CTPS1: variants seen among roughly 807,000 people sequenced by gnomAD.
The protein encoded by CTPS1 is CTP synthase 1, also known as CTP synthetase 1.
In CTPS1, 25 loss-of-function variants were observed where a neutral mutation model predicts 80.5. The ratio of observed to expected loss-of-function variants is 0.31; its 90% confidence interval spans 0.23 to 0.43. The LOEUF is 0.43. Ranked by LOEUF, CTPS1 falls within the 20% of genes least tolerant of loss-of-function variation. The pLI, the probability that CTPS1 is intolerant of heterozygous loss-of-function variation, is 1.00. For missense variants in CTPS1, 442 were observed against 725.7 expected, an observed-to-expected ratio of 0.61 and a Z score of 4.49; for synonymous variants, 267 against 252.5, an observed-to-expected ratio of 1.06 and a Z score of -0.54.
intron 5 of CTPS1, 144 bp from the exon 6 acceptor site, chr1:40,991,021 T>A (rs1197341960): frequency 1.1e-5 from 7 of 653,084 alleles, no homozygotes; most frequent in African/African-American, 1.9e-5. Flanking sequence ...CATGCATGTG[T>A]AACTTTGACA....
chr1:41,002,292 G>C lies in CTPS1; in HGVS notation c.1189+38G>C, dbSNP rs1416583983. On this transcript the variant is annotated intron_variant, in intron 11 of 18. Transcript: ENST00000650070. Reference sequence around the variant, plus strand: ...GCAGTGCAGTCTTCACTTAAGAGTAGGAAAGAGTGGGGAACGGTGCCACGT... The same window carrying C: ...GCAGTGCAGTCTTCACTTAAGAGTACGAAAGAGTGGGGAACGGTGCCACGT... 1.9e-6 allele frequency: 3 copies of C among 1,550,152 alleles called. No individual in the cohort carries two copies. In the African/African-American group the frequency reaches 4.1e-5, roughly 21 times the overall value.
At chr1:41,008,609 A>G (rs755153177) in intron 14 of CTPS1, 50 bp from the exon 15 acceptor site, 2 of 1,583,386 alleles carry the variant, frequency 1.3e-6, no homozygotes, top group African/African-American at 1.3e-5. Flanking sequence ...TTGTGAACGC[A>G]TCATCCTGTG....
intron 7 of CTPS1, among the ~76,000 whole-genome samples, chr1:40,995,490 C>T (rs1309199573): frequency 6.6e-6 from 1 of 151,808 alleles, no homozygotes; most frequent in Non-Finnish European, 1.5e-5. Context: ...AGCTCCCAGG[C>T]TCAAGTGATT....
intron 12 of CTPS1, chr1:41,004,315 G>A (rs915144158): frequency 6.6e-6 from 1 of 152,288 alleles, no homozygotes; most frequent in Non-Finnish European, 1.5e-5. Flanking sequence ...GTTTAGGGCT[G>A]GGTTTCATTC....
At chr1:40,992,344 G>GGT (rs367847542) in intron 7 of CTPS1, among the ~76,000 whole-genome samples, 250 of 151,436 alleles carry the variant, frequency 1.7e-3, no homozygotes, top group Middle Eastern at 0.01. Flanking sequence ...CCATCTTTCT[G>GGT]GTGTGTGTGT....
chr1:40,987,451 A>G lies in CTPS1; in HGVS notation c.417A>G (p.Glu139=). 1.2e-6 allele frequency: 2 copies of G among 1,612,982 alleles called. No individual in the cohort carries two copies. The highest frequency in any genetic ancestry group is 8.5e-7 in the Non-Finnish European group (1 of 1,179,016). ...ALIPVDEDGL[E]PQVCVIELGG... ...TACCTGTAGATGAAGATGGCCTGGA[A>G]CCTCAAGTGTGTGTTATTGAGGTTT... The change falls in exon 4 of 19, where the codon GAA becomes GAG. Residue 139 remains glutamate (E), a synonymous_variant. Coordinates refer to ENST00000650070, the MANE Select transcript of CTPS1 (RefSeq NM_001905.4).
At chr1:40,996,289 C>T (rs1409128179) in intron 8 of CTPS1, among the ~76,000 whole-genome samples, 1 of 152,186 alleles carries the variant, frequency 6.6e-6, no homozygotes, top group Non-Finnish European at 1.5e-5. Flanking sequence ...TGCCGGGCCT[C>T]CAGACAATGA....
chr1:40,986,151 A>G (rs1362099458), intron 3 of CTPS1, among the ~76,000 whole-genome samples: 1 of 152,250 alleles, frequency 6.6e-6, no homozygotes, highest in African/African-American at 2.4e-5. Context: ...AACATGAAAC[A>G]AAACGAGACG....
At chr1:41,006,174 C>A (rs1643028950) in intron 13 of CTPS1, 80 bp downstream of exon 13, 2 of 1,221,898 alleles carry the variant, frequency 1.6e-6, no homozygotes, top group Non-Finnish European at 2.4e-6. Flanking sequence ...TGATTAGAGA[C>A]AAGAAGTGAG....
chr1:41,005,859 G>T (rs917677579), intron 12 of CTPS1, among the ~76,000 whole-genome samples, 192 bp from the exon 13 acceptor site: 1 of 151,834 alleles, frequency 6.6e-6, no homozygotes, highest in Admixed American at 6.6e-5. Flanking sequence ...AGCTATGATC[G>T]CACCACTGCA....
At chr1:41,001,005 C>T in intron 9 of CTPS1, 24 bp from the exon 10 acceptor site, 1 of 1,556,602 alleles carries the variant, frequency 6.4e-7, no homozygotes. Context: ...GCCTGCTTTT[C>T]TCCCCTGTCT....
At chr1:41,010,322 C>A in intron 18 of CTPS1, 68 bp downstream of exon 18, 2 of 1,167,354 alleles carry the variant, frequency 1.7e-6, no homozygotes, top group Non-Finnish European at 2.5e-6. Flanking sequence ...GCAAGAATAT[C>A]ATGGAAGTTT....
intron 2 of CTPS1, among the ~76,000 whole-genome samples, chr1:40,984,256 A>G (rs1404668224): frequency 3.3e-5 from 5 of 152,206 alleles, no homozygotes; most frequent in African/African-American, 1.2e-4. Context: ...TTGTGATGGT[A>G]GGAATGAATC....
intron 16 of CTPS1, 95 bp downstream of exon 16, chr1:41,008,985 T>A: frequency 1.0e-6 from 1 of 995,968 alleles, no homozygotes; most frequent in Non-Finnish European, 1.6e-6. Flanking sequence ...GCTCCTGACC[T>A]AACAGAATTA....
chr1:41,003,098 T>TC lies in CTPS1; in HGVS notation c.1190-10dup, dbSNP rs770131083. On this transcript the variant is annotated splice_polypyrimidine_tract_variant and intron_variant, in intron 11 of 18. Coordinates refer to ENST00000650070, the MANE Select transcript of CTPS1 (RefSeq NM_001905.4). ...TTTCAATGGAGTTTTGTTTGTTTTT[T>TC]CCCCCCGACTGGAAGGCGTGTGCTT... 9 of 1,614,034 alleles carry TC rather than the reference T, an allele frequency of 5.6e-6. No individual in the cohort carries two copies. The highest frequency in any genetic ancestry group is 1.1e-5 in the South Asian group (1 of 91,072).
intron 7 of CTPS1, among the ~76,000 whole-genome samples, chr1:40,994,012 C>T (rs550355154): frequency 4.9e-4 from 74 of 152,240 alleles, no homozygotes; most frequent in African/African-American, 1.8e-3. Context: ...CTCCTGACCT[C>T]AGGTGATCTG....
intron 5 of CTPS1, among the ~76,000 whole-genome samples, chr1:40,989,328 G>A (rs1295800428): frequency 6.6e-6 from 1 of 152,160 alleles, no homozygotes; most frequent in African/African-American, 2.4e-5. Context: ...GACAGTTGAG[G>A]GCAGTAACAC....
rs745347211 is a variant in CTPS1 at position 41,008,645 on chromosome 1, G to A, written c.1394-14G>A. The A allele has an allele frequency of 7.4e-6, 12 of 1,613,848 alleles. No individual in the cohort carries two copies. Among genetic ancestry groups the A allele is most frequent in the Middle Eastern group, 1.6e-4 (1 of 6,080 alleles). On this transcript the variant is annotated splice_polypyrimidine_tract_variant and intron_variant, in intron 14 of 18. Coordinates refer to ENST00000650070, the MANE Select transcript of CTPS1 (RefSeq NM_001905.4). ...AGATAAAGTTCTTTACATACAGCCC[G>A]TTTGTTTTGCCAGGGAAACTCTATG...
chr1:40,987,237 C>T (rs1642479429), intron 3 of CTPS1, 135 bp from the exon 4 acceptor site: 2 of 659,468 alleles, frequency 3.0e-6, no homozygotes, highest in South Asian at 3.6e-5. Flanking sequence ...AAGGGGGCCT[C>T]AAAAGTATTT....
Sources: gnomAD v4.1 joint callset for allele counts (sites outside exome capture counted in the v4.1 genomes callset) on GRCh38, gnomAD v4.1.1 for gene constraint, MANE v1.5 for transcripts, NCBI Gene and HGNC (gene_info 2026-07-23, HGNC 2026-07-21) for gene names.